The following EFCAB3 variants were observed in gnomAD, a reference collection of about 807,000 sequenced individuals.
EFCAB3 encodes EF-hand calcium binding domain 3.
Under a neutral mutation model 42.2 loss-of-function variants are expected in EFCAB3, and 36 were observed. The ratio of observed to expected loss-of-function variants is 0.85; its 90% CI spans 0.65 to 1.13. EFCAB3 has a LOEUF of 1.13. Ranked by LOEUF, EFCAB3 falls within the 50% of genes most tolerant of loss-of-function variation. The probability of loss-of-function intolerance (pLI) is 0.00; values close to 1 mark genes in which losing one functional copy is unlikely to be tolerated. For synonymous variants in EFCAB3, 170 were observed against 172.8 expected (o/e 0.98, Z 0.13); for missense variants, 418 against 505.1 (o/e 0.83, Z 1.65).
At chr17:62,373,510 G>T (rs1310642697) in intron 1 of EFCAB3, among the ~76,000 whole-genome samples, 1 of 151,846 alleles carries the variant, frequency 6.6e-6, no homozygotes, top group Non-Finnish European at 1.5e-5. Context: ...AGTCCCAGCT[G>T]CTCAGGAGGC....
At chr17:62,384,684 T>G (rs754759334) in intron 2 of EFCAB3, among the ~76,000 whole-genome samples, 4 of 152,210 alleles carry the variant, frequency 2.6e-5, no homozygotes, top group Non-Finnish European at 4.4e-5. Flanking sequence ...GAACATAGTA[T>G]TTCTCCATGT....
In EFCAB3 at chr17:62,416,189, G is replaced by T. The variant is rs779514407; in HGVS notation, c.1177G>T (p.Asp393Tyr). 2 of 1,613,850 alleles carry T rather than the reference G, an allele frequency of 1.2e-6. No individual in the cohort carries two copies. Among genetic ancestry groups the T allele is most frequent in the East Asian group, 2.2e-5 (1 of 44,882 alleles). Reference protein sequence around the residue: ...NVCQELLSPKDLRLYDAYVNR... With the variant: ...NVCQELLSPKYLRLYDAYVNR... ...TTGCCAAGAATTACTTTCTCCTAAG[G>T]ACTTAAGGTTATATGATGCCTATGT... Residue 393 changes from aspartate (D) to tyrosine (Y), a missense_variant, in exon 10 of 10, where the codon GAC becomes TAC. By Grantham distance (160) the Asp-to-Tyr change is radical. Coordinates refer to ENST00000305286, the MANE Select transcript of EFCAB3 (RefSeq NM_173503.4).
At chr17:62,413,281 T>C (rs1477974747) in intron 8 of EFCAB3, among the ~76,000 whole-genome samples, 1 of 152,128 alleles carries the variant, frequency 6.6e-6, no homozygotes, top group Non-Finnish European at 1.5e-5. Flanking sequence ...GAACAGACAG[T>C]TCTCAGAAAC....
rs148522055 is a variant in EFCAB3 at position 62,387,537 on chromosome 17, GA to G, written c.151+129del. ...TACACCACCATCATTTGAGAGAAAG[GA>G]AAAAAAACCTTACATTTTTGTGGGA... On this transcript the variant is annotated intron_variant, in intron 3 of 9. Transcript: ENST00000305286. 8,735 of 773,608 alleles carry G rather than the reference GA, an allele frequency of 0.011. 522 individuals are homozygous for G. The African/African-American group carries it at 0.13, about 12-fold the overall frequency. The allele number at this position is 773,608 out of a possible 1,614,324, so 47.9% of individuals were successfully genotyped here. A position where few individuals can be genotyped will look rare whatever the true frequency, so the allele number is the denominator to read the frequency against.
At chr17:62,392,640 GT>G (rs540790955) in intron 4 of EFCAB3, among the ~76,000 whole-genome samples, 34 of 146,606 alleles carry the variant, frequency 2.3e-4, no homozygotes, top group East Asian at 9.9e-4. Flanking sequence ...TACAGATAAT[GT>G]TTTTTTTTTT....
upstream of EFCAB3, among the ~76,000 whole-genome samples, chr17:62,377,734 A>G (rs2070162155): frequency 6.6e-6 from 1 of 152,192 alleles, no homozygotes; most frequent in Admixed American, 6.5e-5. Flanking sequence ...TGATAAATGA[A>G]TAGTCTTGAT....
At chr17:62,411,175 T>G (rs9891624) in intron 8 of EFCAB3, among the ~76,000 whole-genome samples, 2,041 of 152,236 alleles carry the variant, frequency 0.013, 33 homozygotes, top group African/African-American at 0.045. Context: ...TAAAGATAGG[T>G]TCACAAAAAT....
At chr17:62,409,856 A>G (rs1291542036) in intron 8 of EFCAB3, among the ~76,000 whole-genome samples, 2 of 152,126 alleles carry the variant, frequency 1.3e-5, no homozygotes, top group Non-Finnish European at 2.9e-5. Flanking sequence ...TTATAGTTAT[A>G]TACATATGTA....
intron 2 of EFCAB3, among the ~76,000 whole-genome samples, chr17:62,374,696 A>G (rs2070137322): frequency 6.6e-6 from 1 of 152,118 alleles, no homozygotes; most frequent in African/African-American, 2.4e-5. Context: ...CTTCCCACAC[A>G]CGTACAACCT....
At chr17:62,398,049 T>C in intron 6 of EFCAB3, 1 of 190,010 alleles carries the variant, frequency 5.3e-6, no homozygotes, top group Non-Finnish European at 9.9e-6. Context: ...AAAAAAAAGG[T>C]GATATTCCTG....
intron 2 of EFCAB3, among the ~76,000 whole-genome samples, chr17:62,386,924 G>C (rs1181947591): frequency 3.9e-5 from 6 of 152,002 alleles, no homozygotes; most frequent in Admixed American, 6.6e-5. Context: ...GAGTGGCTAG[G>C]ACTACAGGCC....
intron 6 of EFCAB3, among the ~76,000 whole-genome samples, chr17:62,406,205 C>A (rs2070445727): frequency 6.6e-6 from 1 of 151,528 alleles, no homozygotes; most frequent in African/African-American, 2.4e-5. Flanking sequence ...TCATCTCTCT[C>A]TAAAAAAAAC....
At chr17:62,378,772 A>C (rs1305792006), upstream of EFCAB3, among the ~76,000 whole-genome samples, 1 of 3,988 alleles carries the variant, frequency 2.5e-4, no homozygotes. Context: ...GTTGGGGGGT[A>C]GGGGGGTGGG....
upstream of EFCAB3, among the ~76,000 whole-genome samples, chr17:62,375,812 T>A (rs1353473535): frequency 6.6e-6 from 1 of 152,224 alleles, no homozygotes; most frequent in Non-Finnish European, 1.5e-5. Flanking sequence ...CTTACTTTTC[T>A]ATCATTCTTC....
intron 2 of EFCAB3, chr17:62,373,886 T>C (rs756603881): frequency 7.0e-5 from 90 of 1,293,250 alleles, no homozygotes; most frequent in Non-Finnish European, 9.3e-5. Flanking sequence ...AAATTTATTA[T>C]ACAATATAAA....
chr17:62,409,771 A>G (rs1335371040), intron 8 of EFCAB3, among the ~76,000 whole-genome samples: 4 of 151,746 alleles, frequency 2.6e-5, no homozygotes, highest in Non-Finnish European at 5.9e-5. Flanking sequence ...TTACATCTAT[A>G]CCTACTGTAT....
At chr17:62,373,144 A>G (rs1193381758) in intron 1 of EFCAB3, among the ~76,000 whole-genome samples, 2 of 151,920 alleles carry the variant, frequency 1.3e-5, no homozygotes, top group Non-Finnish European at 2.9e-5. Context: ...AGCTGGCATG[A>G]TGGCACATGC....
intron 2 of EFCAB3, 83 bp from the exon 3 acceptor site, chr17:62,387,257 G>C: frequency 1.9e-6 from 2 of 1,048,732 alleles, no homozygotes; most frequent in South Asian, 2.8e-5. Flanking sequence ...AGTCATTCCA[G>C]TAAGCAGAAA....
At chr17:62,405,322 C>G (rs1311821764) in intron 6 of EFCAB3, among the ~76,000 whole-genome samples, 1 of 152,242 alleles carries the variant, frequency 6.6e-6, no homozygotes, top group African/African-American at 2.4e-5. Context: ...CTACCAACCA[C>G]TGCTTCAGCC....
Sources: gnomAD v4.1 joint callset for allele counts (sites outside exome capture counted in the v4.1 genomes callset) on GRCh38, gnomAD v4.1.1 for gene constraint, MANE v1.5 for transcripts, NCBI Gene and HGNC (gene_info 2026-07-23, HGNC 2026-07-21) for gene names.